SORCS3: variants seen among roughly 807,000 people sequenced by gnomAD.
SORCS3 encodes the protein VPS10 domain-containing receptor SorCS3.
A neutral mutation model predicts 146.3 loss-of-function variants in SORCS3; 57 were observed. The observed-to-expected ratio is 0.39, with a 90% CI of 0.31 to 0.49. SORCS3 has a LOEUF of 0.49. Among genes scored for constraint, SORCS3 ranks in the 20% least tolerant of loss-of-function variants. The pLI, the probability that SORCS3 is intolerant of heterozygous loss-of-function variation, is 0.92. For synonymous variants in SORCS3, 653 were observed against 618.5 expected (o/e 1.06, Z -0.83); for missense variants, 1,341 against 1,575.5 (o/e 0.85, Z 2.52).
intron 20 of SORCS3, among the ~76,000 whole-genome samples, chr10:105,242,560 TTATATATATTTATATATTTA>T (rs2056836012): frequency 1.6e-5 from 1 of 63,116 alleles, no homozygotes; most frequent in South Asian, 5.3e-4. Flanking sequence ...TTATATACAT[TTATATATATTTATATATTTA>T]TATATATTTA....
intron 2 of SORCS3, among the ~76,000 whole-genome samples, chr10:104,889,457 T>A (rs868031281): frequency 3.4e-5 from 5 of 147,576 alleles, no homozygotes; most frequent in African/African-American, 7.5e-5. Flanking sequence ...GGATGGTATT[T>A]TTTTTTTTTT....
intron 19 of SORCS3, among the ~76,000 whole-genome samples, chr10:105,221,749 G>A (rs1271813741): frequency 6.6e-6 from 1 of 152,140 alleles, no homozygotes; most frequent in Non-Finnish European, 1.5e-5. Context: ...AGATGTCTTT[G>A]CTACAGTTGT....
At position 105,131,246 on chromosome 10, in the gene SORCS3, G is replaced by A. The variant is rs936293262; in HGVS notation, c.1213-8151G>A. ...GAATTAGAAAAGTCAATTGTGCATC[G>A]TAACATCTTGGCTGATCCTTTTGTT... is the stretch of plus-strand genomic sequence containing the variant. On this transcript the variant is annotated intron_variant, in intron 7 of 26. Coordinates refer to ENST00000369701, the MANE Select transcript of SORCS3 (RefSeq NM_014978.3). Among the ~76,000 whole-genome samples, 20 of 152,252 alleles carry A rather than the reference G, an allele frequency of 1.3e-4. No homozygotes were observed. In the East Asian group the frequency reaches 2.1e-3, roughly 16 times the overall value.
intron 1 of SORCS3, among the ~76,000 whole-genome samples, chr10:104,727,968 A>G (rs1178745964): frequency 1.3e-5 from 2 of 152,064 alleles, no homozygotes; most frequent in Non-Finnish European, 2.9e-5. Context: ...CTTCCACAAA[A>G]CCGGTCCCTG....
chr10:104,868,248 A>G lies in SORCS3; in HGVS notation c.695+25389A>G, dbSNP rs571071305. On this transcript the variant is annotated intron_variant, in intron 2 of 26. Transcript: ENST00000369701. Reference sequence around the variant, plus strand: ...TTGTAAATAACGTGTGCAGCTATAGACTATAAATTAAAAACACATCAACAA... The same window carrying G: ...TTGTAAATAACGTGTGCAGCTATAGGCTATAAATTAAAAACACATCAACAA... Among the ~76,000 whole-genome samples the G allele has an allele frequency of 4.0e-4, 61 of 152,210 alleles. 1 individual carries two copies. The highest frequency in any genetic ancestry group is 1.2e-3 in the Admixed American group (19 of 15,288).
chr10:104,867,703 C>A (rs1334004357), intron 2 of SORCS3, among the ~76,000 whole-genome samples: 1 of 152,080 alleles, frequency 6.6e-6, no homozygotes, highest in Non-Finnish European at 1.5e-5. Context: ...CTTGCCTCAT[C>A]CCAGTCCCAG....
At chr10:104,729,193 A>G (rs972727371) in intron 1 of SORCS3, among the ~76,000 whole-genome samples, 2 of 152,250 alleles carry the variant, frequency 1.3e-5, no homozygotes, top group African/African-American at 2.4e-5. Flanking sequence ...ATCATGGGAT[A>G]AACAAGAAGC....
intron 2 of SORCS3, among the ~76,000 whole-genome samples, chr10:104,849,342 G>A (rs1383684507): frequency 6.7e-6 from 1 of 149,538 alleles, no homozygotes; most frequent in Non-Finnish European, 1.5e-5. Flanking sequence ...AACGCGGGAA[G>A]CGGAGGTTGT....
intron 4 of SORCS3, among the ~76,000 whole-genome samples, chr10:104,979,451 A>G (rs2054920465): frequency 6.6e-6 from 1 of 152,226 alleles, no homozygotes. Flanking sequence ...ACTGTCTTAC[A>G]TAGAGATATC....
chr10:104,733,598 A>G (rs1015488174), intron 1 of SORCS3, among the ~76,000 whole-genome samples: 2 of 149,938 alleles, frequency 1.3e-5, no homozygotes, highest in African/African-American at 2.5e-5. Context: ...TTTTGGTGCC[A>G]AGCACTGAGT....
At chr10:105,023,017 C>T (rs1050051249) in intron 4 of SORCS3, among the ~76,000 whole-genome samples, 4 of 152,150 alleles carry the variant, frequency 2.6e-5, no homozygotes, top group Non-Finnish European at 4.4e-5. Context: ...ATGCTCCCCC[C>T]TCTACCAGTT....
chr10:105,178,685 T>C (rs2056423852), intron 14 of SORCS3, among the ~76,000 whole-genome samples: 1 of 152,180 alleles, frequency 6.6e-6, no homozygotes, highest in African/African-American at 2.4e-5. Flanking sequence ...TTTTCTATAC[T>C]CTTTTATAAT....
At chr10:104,841,081 A>G (rs1192971701) in intron 1 of SORCS3, among the ~76,000 whole-genome samples, 1 of 152,094 alleles carries the variant, frequency 6.6e-6, no homozygotes, top group Non-Finnish European at 1.5e-5. Context: ...TGTATACCAT[A>G]TATACTGATT....
At chr10:105,258,744 T>C (rs1232833410) in intron 25 of SORCS3, among the ~76,000 whole-genome samples, 1 of 152,220 alleles carries the variant, frequency 6.6e-6, no homozygotes, top group Non-Finnish European at 1.5e-5. Context: ...TACCAGGTAA[T>C]GACATCTCTA....
At chr10:105,135,770 G>A (rs1564763657) in intron 7 of SORCS3, among the ~76,000 whole-genome samples, 2 of 152,116 alleles carry the variant, frequency 1.3e-5, no homozygotes, top group Admixed American at 6.6e-5. Flanking sequence ...GTTTTTTGCC[G>A]CTTTATAGCA....
chr10:104,900,706 T>C (rs2018842963), intron 2 of SORCS3, among the ~76,000 whole-genome samples: 1 of 151,954 alleles, frequency 6.6e-6, no homozygotes, highest in Non-Finnish European at 1.5e-5. Context: ...CTGGCCAACA[T>C]GGTGAAACCC....
intron 4 of SORCS3, among the ~76,000 whole-genome samples, chr10:105,000,327 C>T (rs892023977): frequency 7.5e-5 from 11 of 147,180 alleles, no homozygotes; most frequent in South Asian, 4.2e-4. Flanking sequence ...TGTGGGTATA[C>T]GTGTGTTCAT....
At chr10:105,203,609 AT>A (rs1224734489) in intron 16 of SORCS3, among the ~76,000 whole-genome samples, 3 of 152,174 alleles carry the variant, frequency 2.0e-5, no homozygotes, top group African/African-American at 4.8e-5. Flanking sequence ...CAGTAATTCC[AT>A]TAACATTTAC....
chr10:104,857,829 G>T (rs1324040785), intron 2 of SORCS3, among the ~76,000 whole-genome samples: 1 of 152,182 alleles, frequency 6.6e-6, no homozygotes, highest in East Asian at 1.9e-4. Flanking sequence ...CGGGCCTCTT[G>T]TAATGGTGGA....
Sources: gnomAD v4.1 joint callset for allele counts (sites outside exome capture counted in the v4.1 genomes callset) on GRCh38, gnomAD v4.1.1 for gene constraint, MANE v1.5 for transcripts, NCBI Gene and HGNC (gene_info 2026-07-23, HGNC 2026-07-21) for gene names.